Variants in HK1 observed in about 807,000 individuals in gnomAD.
HK1 encodes hexokinase 1, also known as hexokinase-1.
Under a neutral mutation model 91.6 loss-of-function variants are expected in HK1, and 28 were observed. The observed-to-expected ratio is 0.31, with a 90% CI of 0.23 to 0.42. HK1 has a LOEUF of 0.42. Ranked by LOEUF, HK1 falls within the 10% of genes least tolerant of loss-of-function variation. The pLI is 1.00. For missense variants in HK1, 770 were observed against 1,219.8 expected, an observed-to-expected ratio of 0.63 and a Z score of 5.49; for synonymous variants, 430 against 468.1, an observed-to-expected ratio of 0.92 and a Z score of 1.05.
chr10:69,331,580 G>A (rs1251563105), intron 1 of HK1, among the ~76,000 whole-genome samples: 1 of 152,210 alleles, frequency 6.6e-6, no homozygotes, highest in Non-Finnish European at 1.5e-5. Flanking sequence ...CCCGTTAATA[G>A]TTTTCTAATA....
chr10:69,338,227 G>A (rs904359788), intron 1 of HK1: 28 of 1,109,078 alleles, frequency 2.5e-5, no homozygotes, highest in East Asian at 6.3e-5. Context: ...CTGTGCAGCC[G>A]GTCTGGCTAC....
chr10:69,348,912 G>C (rs1848702938), intron 2 of HK1, among the ~76,000 whole-genome samples: 1 of 152,228 alleles, frequency 6.6e-6, no homozygotes, highest in Admixed American at 6.5e-5. Flanking sequence ...TGGTACTCGA[G>C]ACACATCTGT....
Position 69,387,361 on chromosome 10 carries a change from T to C in HK1, c.1935+943T>C, listed in dbSNP as rs145906749. 6.9e-3 allele frequency among the ~76,000 whole-genome samples: 1,046 copies of C among 152,314 alleles called. 10 individuals are homozygous for C. Among genetic ancestry groups the C allele is most frequent in the Middle Eastern group, 0.02 (6 of 294 alleles). ...TGGAGTGCAGTGGAGCAATCTTGGC[T>C]CACTGCAACCTCTGCCTCCCAGGCT... is the stretch of plus-strand genomic sequence containing the variant. On this transcript the variant is annotated intron_variant, in intron 13 of 17. Transcript: ENST00000359426.
intron 1 of HK1, among the ~76,000 whole-genome samples, chr10:69,336,478 A>T (rs867598113): frequency 6.6e-6 from 1 of 151,734 alleles, no homozygotes; most frequent in South Asian, 2.1e-4. Context: ...GGCACGAGCC[A>T]CCGCGCCTGG....
chr10:69,331,161 T>A (rs1847695160), intron 1 of HK1, among the ~76,000 whole-genome samples: 1 of 152,240 alleles, frequency 6.6e-6, no homozygotes, highest in Non-Finnish European at 1.5e-5. Flanking sequence ...ATCACAGGCA[T>A]GAGCCGCCAC....
intron 12 of HK1, among the ~76,000 whole-genome samples, chr10:69,385,786 CTGTT>C (rs1394773433): frequency 2.6e-5 from 4 of 152,184 alleles, no homozygotes; most frequent in African/African-American, 7.2e-5. Context: ...GGAGTTAGAT[CTGTT>C]TGTTTGTTTT....
intron 7 of HK1, among the ~76,000 whole-genome samples, chr10:69,371,088 G>A (rs954406267): frequency 6.6e-6 from 1 of 152,188 alleles, no homozygotes; most frequent in Non-Finnish European, 1.5e-5. Flanking sequence ...TCTCAGTACT[G>A]CAGGGTGGAC....
chr10:69,387,074 A>G (rs776857208), intron 13 of HK1, among the ~76,000 whole-genome samples: 37 of 152,154 alleles, frequency 2.4e-4, no homozygotes, highest in Admixed American at 2.3e-3. Context: ...CACAGAGTCC[A>G]CAAACAATTG....
At chr10:69,376,522 A>AATAC (rs1839116154) in intron 7 of HK1, among the ~76,000 whole-genome samples, 1 of 152,148 alleles carries the variant, frequency 6.6e-6, no homozygotes, top group Non-Finnish European at 1.5e-5. Flanking sequence ...TAAATAAGTA[A>AATAC]ATACATACAT....
exon 3 of HK1, chr10:69,288,699 A>G (rs1381728803): frequency 1.2e-6 from 2 of 1,605,194 alleles, no homozygotes; most frequent in East Asian, 2.2e-5. Flanking sequence ...TTGAGAGTAG[A>G]AAAGCAGAAG....
intron 15 of HK1, among the ~76,000 whole-genome samples, chr10:69,394,621 AGGCAGG>A (rs1840052554): frequency 6.6e-6 from 1 of 151,868 alleles, no homozygotes; most frequent in Non-Finnish European, 1.5e-5. Context: ...AACCTGAAAC[AGGCAGG>A]TAGAACCCAG....
chr10:69,391,346 A>G (rs1158305655), intron 14 of HK1, among the ~76,000 whole-genome samples: 1 of 152,284 alleles, frequency 6.6e-6, no homozygotes, highest in Non-Finnish European at 1.5e-5. Context: ...ATCCTTGTCG[A>G]GAAAAGATAA....
intron 2 of HK1, among the ~76,000 whole-genome samples, chr10:69,350,683 C>T (rs960061215): frequency 4.0e-5 from 6 of 151,818 alleles, no homozygotes; most frequent in South Asian, 2.1e-4. Context: ...CAAACAAAAA[C>T]ATGAAATAAA....
chr10:69,375,724 C>G (rs535115426), intron 7 of HK1, among the ~76,000 whole-genome samples: 164 of 152,310 alleles, frequency 1.1e-3, no homozygotes, highest in South Asian at 2.1e-3. Context: ...GATGTGCGCC[C>G]ACCTCTTCAA....
At chr10:69,398,249 T>A (rs1441512429) in intron 16 of HK1, among the ~76,000 whole-genome samples, 1 of 152,196 alleles carries the variant, frequency 6.6e-6, no homozygotes, top group Non-Finnish European at 1.5e-5. Flanking sequence ...TGTGGGAAAT[T>A]GCTCAATGCA....
rs1840374510 is a variant in HK1 at position 69,401,199 on chromosome 10, C to T, written c.*64C>T. 1.3e-6 allele frequency: 2 copies of T among 1,559,862 alleles called. No individual in the cohort carries two copies. ...CTCTCTTCAAGCGGCGACCCCCTAC[C>T]CTCCCAGCGAGTTGCGCTGGGAGAC... is the stretch of plus-strand genomic sequence containing the variant. On this transcript the variant is annotated 3_prime_UTR_variant, in exon 18 of 18. Coordinates refer to ENST00000359426, the MANE Select transcript of HK1 (RefSeq NM_000188.3).
chr10:69,290,806 A>T (rs979562977), intron 3 of HK1, among the ~76,000 whole-genome samples: 35 of 152,144 alleles, frequency 2.3e-4, no homozygotes, highest in Non-Finnish European at 3.8e-4. Flanking sequence ...AGCCCCTCTC[A>T]GGCTTTTGAG....
chr10:69,381,231 G>A (rs1333229900), intron 9 of HK1, among the ~76,000 whole-genome samples: 3 of 152,110 alleles, frequency 2.0e-5, no homozygotes, highest in African/African-American at 7.2e-5. Flanking sequence ...AGAGGTTGCA[G>A]TGACCTGATG....
intron 1 of HK1, among the ~76,000 whole-genome samples, chr10:69,339,082 G>A (rs959857679): frequency 1.3e-5 from 2 of 152,214 alleles, no homozygotes; most frequent in Admixed American, 6.5e-5. Context: ...TGGTCTGAAC[G>A]AGGAAGATGC....
Sources: gnomAD v4.1 joint callset for allele counts (sites outside exome capture counted in the v4.1 genomes callset) on GRCh38, gnomAD v4.1.1 for gene constraint, MANE v1.5 for transcripts, NCBI Gene and HGNC (gene_info 2026-07-23, HGNC 2026-07-21) for gene names.